The following NBAS variants were observed in gnomAD, a reference collection of about 807,000 sequenced individuals.
NBAS encodes NAG/BC035112 fusion.
In NBAS, 219 loss-of-function variants were observed where a neutral mutation model predicts 302.5. That is an observed-to-expected ratio of 0.72 (90% CI 0.65 to 0.81). The LOEUF is 0.81. Among genes scored for constraint, NBAS ranks in the 30% least tolerant of loss-of-function variants. The pLI is 0.00. For missense variants in NBAS, 2,932 were observed against 2,841.6 expected (o/e 1.03, Z -0.72); for synonymous variants, 1,118 against 1,021.6 (o/e 1.09, Z -1.80).
At chr2:15,215,989 T>C (rs551454648) in intron 48 of NBAS, among the ~76,000 whole-genome samples, 1 of 152,330 alleles carries the variant, frequency 6.6e-6, no homozygotes, top group South Asian at 2.1e-4. Context: ...GTGTTTCCAT[T>C]CTAAACACAA....
chr2:15,165,906 C>G (rs1433546319), downstream of NBAS, among the ~76,000 whole-genome samples: 1 of 152,214 alleles, frequency 6.6e-6, no homozygotes, highest in Non-Finnish European at 1.5e-5. Context: ...CACTCTCCCT[C>G]CAAATTATTT....
chr2:15,560,524 A>T (rs1664862300), intron 1 of NBAS, among the ~76,000 whole-genome samples: 1 of 152,094 alleles, frequency 6.6e-6, no homozygotes, highest in South Asian at 2.1e-4. Flanking sequence ...TCTAGACGAG[A>T]AGCTCCACGA....
intron 2 of NBAS, among the ~76,000 whole-genome samples, chr2:15,558,210 AG>A (rs1337207733): frequency 2.0e-5 from 3 of 152,228 alleles, no homozygotes; most frequent in African/African-American, 7.2e-5. Context: ...CTTATCTGAC[AG>A]GAAGTGGAGC....
chr2:14,956,899 A>C, the NBAS span, among the ~76,000 whole-genome samples: 1 of 152,176 alleles, frequency 6.6e-6, no homozygotes, highest in Non-Finnish European at 1.5e-5. Flanking sequence ...CATATGTTGA[A>C]GTCCAAATTC....
At chr2:15,002,414 CCCCACCAGACTCAGGAGCCCAGCTGG>C in the NBAS span, among the ~76,000 whole-genome samples, 2,377 of 152,270 alleles carry the variant, frequency 0.016, 77 homozygotes, top group African/African-American at 0.054. Context: ...TTCTCCACGT[CCCCACCAGACTCAGGAGCCCAGCTGG>C]CCCACCAGAC....
At chr2:15,378,093 G>A (rs1674839792) in intron 30 of NBAS, among the ~76,000 whole-genome samples, 1 of 152,178 alleles carries the variant, frequency 6.6e-6, no homozygotes, top group Admixed American at 6.5e-5. Context: ...TATTACTGAA[G>A]AGATTCTACC....
At chr2:14,815,713 T>C in the NBAS span, among the ~76,000 whole-genome samples, 1 of 152,164 alleles carries the variant, frequency 6.6e-6, no homozygotes, top group Non-Finnish European at 1.5e-5. Context: ...TTCTATTCAA[T>C]CCAGTGTTCT....
chr2:15,459,043 C>G (rs1679385110), intron 21 of NBAS, among the ~76,000 whole-genome samples: 1 of 152,112 alleles, frequency 6.6e-6, no homozygotes, highest in African/African-American at 2.4e-5. Context: ...GTGGCAGGCC[C>G]CATAAAGGAA....
At chr2:15,559,435 C>T (rs1156342788) in intron 1 of NBAS, among the ~76,000 whole-genome samples, 1 of 152,188 alleles carries the variant, frequency 6.6e-6, no homozygotes, top group African/African-American at 2.4e-5. Context: ...AGACTGAACA[C>T]ACCGTGGGTA....
chr2:15,428,136 A>T (rs1677571915), intron 21 of NBAS, among the ~76,000 whole-genome samples: 1 of 152,320 alleles, frequency 6.6e-6, no homozygotes, highest in East Asian at 1.9e-4. Flanking sequence ...TCTGGATTGT[A>T]AGCTGTTGGG....
At chr2:15,210,708 T>C (rs1666366203) in intron 48 of NBAS, among the ~76,000 whole-genome samples, 2 of 152,090 alleles carry the variant, frequency 1.3e-5, no homozygotes, top group Admixed American at 1.3e-4. Context: ...ACAGCCACAA[T>C]TTGGAAGCTA....
At chr2:15,016,805 C>A in the NBAS span, among the ~76,000 whole-genome samples, 2 of 152,060 alleles carry the variant, frequency 1.3e-5, no homozygotes, top group African/African-American at 2.4e-5. Context: ...AATAGAGAAT[C>A]CAGAAATCAA....
At chr2:15,099,572 T>C in the NBAS span, among the ~76,000 whole-genome samples, 4 of 152,094 alleles carry the variant, frequency 2.6e-5, no homozygotes, top group Admixed American at 2.0e-4. Context: ...CCATATTTAT[T>C]TACCTTAAAA....
At chr2:15,164,812 G>A (rs1663974977), downstream of NBAS, among the ~76,000 whole-genome samples, 1 of 152,168 alleles carries the variant, frequency 6.6e-6, no homozygotes, top group Non-Finnish European at 1.5e-5. Context: ...ATTATTTGTT[G>A]TTCCTTCTTT....
the NBAS span, among the ~76,000 whole-genome samples, chr2:15,060,987 A>G: frequency 1.3e-5 from 2 of 151,640 alleles, no homozygotes; most frequent in Non-Finnish European, 2.9e-5. Context: ...TTATTCTGTA[A>G]CACGTGTAAA....
At chr2:15,238,907 C>T (rs1300785035) in intron 44 of NBAS, among the ~76,000 whole-genome samples, 1 of 152,032 alleles carries the variant, frequency 6.6e-6, no homozygotes, top group East Asian at 1.9e-4. Flanking sequence ...ATGTTAATAT[C>T]CAAAGCAGGT....
chr2:14,895,739 CAA>C, the NBAS span, among the ~76,000 whole-genome samples: 5 of 95,406 alleles, frequency 5.2e-5, no homozygotes, highest in Non-Finnish European at 4.4e-5. Context: ...GACTCCGTCT[CAA>C]AAAAAAAAAA....
At chr2:14,913,181 G>T in the NBAS span, among the ~76,000 whole-genome samples, 1 of 152,144 alleles carries the variant, frequency 6.6e-6, no homozygotes, top group Non-Finnish European at 1.5e-5. Flanking sequence ...GCTGCAATCC[G>T]CATTGGCATT....
chr2:15,350,020 C>A (rs930433609), intron 35 of NBAS, among the ~76,000 whole-genome samples: 2 of 152,088 alleles, frequency 1.3e-5, no homozygotes, highest in East Asian at 1.9e-4. Flanking sequence ...ACATTACAAC[C>A]CTCTTTGAGA....
Sources: allele counts gnomAD v4.1 joint callset (sites outside exome capture counted in the v4.1 genomes callset), GRCh38; gene constraint gnomAD v4.1.1; transcripts MANE v1.5; gene names NCBI Gene and HGNC (gene_info 2026-07-23, HGNC 2026-07-21).